PXDNL: variants seen among roughly 807,000 people sequenced by gnomAD.
The protein encoded by PXDNL is probable oxidoreductase PXDNL.
A neutral mutation model predicts 150.8 loss-of-function variants in PXDNL; 145 were observed. That is an observed-to-expected ratio of 0.96 (90% CI 0.84 to 1.10). The LOEUF is 1.10. PXDNL is among the 50% of genes least tolerant of loss of function. PXDNL has a pLI of 0.00. For synonymous variants in PXDNL, 757 were observed against 725.7 expected, an observed-to-expected ratio of 1.04 and a Z score of -0.69; for missense variants, 2,087 against 1,873.9, an observed-to-expected ratio of 1.11 and a Z score of -2.10.
chr8:51,673,479 C>T (rs149725790), intron 1 of PXDNL, among the ~76,000 whole-genome samples: 13 of 152,094 alleles, frequency 8.5e-5, no homozygotes, highest in South Asian at 4.2e-4. Context: ...AGGCTTCCTC[C>T]AAAAAGATAA....
At chr8:51,727,541 T>G (rs1295696288) in intron 1 of PXDNL, among the ~76,000 whole-genome samples, 2 of 152,184 alleles carry the variant, frequency 1.3e-5, no homozygotes, top group Non-Finnish European at 2.9e-5. Flanking sequence ...TATAGAGTTG[T>G]TAAAGCAAAT....
At chr8:51,620,633 T>C (rs1814231546) in intron 2 of PXDNL, among the ~76,000 whole-genome samples, 1 of 151,630 alleles carries the variant, frequency 6.6e-6, no homozygotes, top group Non-Finnish European at 1.5e-5. Flanking sequence ...AACCTCCGCC[T>C]CCCAGGTTCA....
intron 2 of PXDNL, among the ~76,000 whole-genome samples, chr8:51,600,647 A>AATAAATTATATAATTTATATG (rs1813692884): frequency 8.3e-6 from 1 of 120,764 alleles, no homozygotes; most frequent in African/African-American, 3.2e-5. Flanking sequence ...ATAGTTAGAT[A>AATAAATTATATAATTTATATG]ATAAATTATA....
chr8:51,730,517 T>TCTA (rs1816898163), intron 1 of PXDNL, among the ~76,000 whole-genome samples: 1 of 152,208 alleles, frequency 6.6e-6, no homozygotes, highest in South Asian at 2.1e-4. Flanking sequence ...CATTGATGTG[T>TCTA]CTATATGCCA....
intron 19 of PXDNL, among the ~76,000 whole-genome samples, chr8:51,368,029 G>A (rs1367965910): frequency 6.6e-6 from 1 of 152,182 alleles, no homozygotes; most frequent in Non-Finnish European, 1.5e-5. Context: ...TTGGGAGGCT[G>A]AGGCAGGAGA....
At chr8:51,693,910 T>C (rs1816057060) in intron 1 of PXDNL, among the ~76,000 whole-genome samples, 1 of 152,252 alleles carries the variant, frequency 6.6e-6, no homozygotes, top group Non-Finnish European at 1.5e-5. Context: ...ATATGTTGTT[T>C]TGAGGAAATC....
At chr8:51,353,653 T>C (rs910556332) in intron 19 of PXDNL, among the ~76,000 whole-genome samples, 5 of 152,170 alleles carry the variant, frequency 3.3e-5, no homozygotes, top group African/African-American at 1.2e-4. Context: ...TGAGAATCTT[T>C]ATGAATATTT....
At chr8:51,359,154 T>TA (rs10637777) in intron 19 of PXDNL, among the ~76,000 whole-genome samples, 109,676 of 151,858 alleles carry the variant, frequency 0.72, 40,304 homozygotes, top group East Asian at 0.94. Context: ...TGAGCCAAGA[T>TA]AAAAAAAGTC....
chr8:51,741,244 C>G (rs2036903898), intron 1 of PXDNL, among the ~76,000 whole-genome samples: 1 of 152,056 alleles, frequency 6.6e-6, no homozygotes, highest in Non-Finnish European at 1.5e-5. Context: ...TCAATTTTTT[C>G]TAGATTTGCT....
At chr8:51,541,253 T>TA (rs5891421) in intron 4 of PXDNL, among the ~76,000 whole-genome samples, 29,318 of 127,108 alleles carry the variant, frequency 0.23, 4,289 homozygotes, top group African/African-American at 0.42. Flanking sequence ...TGAGACTCCA[T>TA]AAAAAAAAAA....
chr8:51,396,438 T>C (rs1461253613), intron 17 of PXDNL, among the ~76,000 whole-genome samples: 1 of 152,208 alleles, frequency 6.6e-6, no homozygotes, highest in Admixed American at 6.5e-5. Flanking sequence ...AATGCCTGGC[T>C]GCACAGAAAC....
At chr8:51,650,338 C>T (rs961980232) in intron 2 of PXDNL, among the ~76,000 whole-genome samples, 1 of 152,096 alleles carries the variant, frequency 6.6e-6, no homozygotes, top group African/African-American at 2.4e-5. Flanking sequence ...CTTTGATCTG[C>T]CCTGACTCTT....
At chr8:51,464,569 CAG>C (rs1343197749) in intron 8 of PXDNL, among the ~76,000 whole-genome samples, 3 of 152,064 alleles carry the variant, frequency 2.0e-5, no homozygotes, top group African/African-American at 7.2e-5. Flanking sequence ...TACAAAAGAC[CAG>C]AGAGTCTATT....
intron 17 of PXDNL, among the ~76,000 whole-genome samples, chr8:51,393,676 A>C (rs1170554230): frequency 6.6e-6 from 1 of 152,270 alleles, no homozygotes; most frequent in Non-Finnish European, 1.5e-5. Flanking sequence ...AAGGATATCA[A>C]GAGGGGAAGA....
At chr8:51,790,494 C>T (rs570186710) in intron 1 of PXDNL, among the ~76,000 whole-genome samples, 31 of 152,316 alleles carry the variant, frequency 2.0e-4, no homozygotes, top group African/African-American at 6.7e-4. Flanking sequence ...TTTTCTAAGA[C>T]GAGGTCCTGA....
intron 1 of PXDNL, among the ~76,000 whole-genome samples, chr8:51,805,722 G>C (rs779749336): frequency 1.5e-4 from 23 of 152,006 alleles, no homozygotes; most frequent in Admixed American, 2.0e-4. Flanking sequence ...ATGACTTTTA[G>C]GAAAATCCTC....
chr8:51,445,041 TC>T (rs1809643651), intron 12 of PXDNL, among the ~76,000 whole-genome samples: 2 of 152,004 alleles, frequency 1.3e-5, no homozygotes, highest in South Asian at 4.2e-4. Context: ...CACCTCAGCC[TC>T]CCGAGTAGCT....
chr8:51,587,219 A>G (rs1318693683), intron 3 of PXDNL, among the ~76,000 whole-genome samples: 4 of 152,144 alleles, frequency 2.6e-5, no homozygotes, highest in Non-Finnish European at 1.5e-5. Flanking sequence ...GAACATTGCA[A>G]ATGCTATTCT....
chr8:51,577,601 T>TAC (rs1236748947), intron 3 of PXDNL, among the ~76,000 whole-genome samples: 2 of 146,812 alleles, frequency 1.4e-5, no homozygotes, highest in African/African-American at 5.0e-5. Flanking sequence ...TACATATATA[T>TAC]ATATATATAA....
Sources: allele counts gnomAD v4.1 joint callset (sites outside exome capture counted in the v4.1 genomes callset), GRCh38; gene constraint gnomAD v4.1.1; transcripts MANE v1.5; gene names NCBI Gene and HGNC (gene_info 2026-07-23, HGNC 2026-07-21).